PDP1: variants seen among roughly 807,000 people sequenced by gnomAD.
PDP1 encodes the protein pyruvate dehyrogenase phosphatase catalytic subunit 1.
PDP1 carries 14 observed loss-of-function variants against 37.1 expected under a neutral mutation model. That is an observed-to-expected ratio of 0.38 (90% CI 0.25 to 0.59). PDP1 has a LOEUF of 0.59. PDP1 is among the 20% of genes least tolerant of loss of function. The probability of loss-of-function intolerance (pLI) is 0.67; values close to 1 mark genes in which losing one functional copy is unlikely to be tolerated. For synonymous variants in PDP1, 251 were observed against 243.3 expected, an observed-to-expected ratio of 1.03 and a Z score of -0.29; for missense variants, 544 against 655.3, an observed-to-expected ratio of 0.83 and a Z score of 1.85.
chr8:93,920,201 T>C (rs966603923), intron 1 of PDP1, among the ~76,000 whole-genome samples: 2 of 152,216 alleles, frequency 1.3e-5, no homozygotes, highest in African/African-American at 2.4e-5. Context: ...GCAGTGCTTA[T>C]TACAGAAACA....
intron 1 of PDP1, among the ~76,000 whole-genome samples, chr8:93,920,159 C>A (rs1339838529): frequency 1.3e-5 from 2 of 152,208 alleles, no homozygotes; most frequent in African/African-American, 2.4e-5. Context: ...CTTTCTACTA[C>A]TTGCAGAAGA....
intron 1 of PDP1, chr8:93,921,031 A>T: frequency 3.0e-6 from 3 of 984,096 alleles, no homozygotes; most frequent in Non-Finnish European, 3.6e-6. Context: ...GAAACCATTT[A>T]TGTTACTAAC....
rs1176613427 is a variant in PDP1 at position 93,922,069 on chromosome 8, C to T, written c.10C>T (p.Pro4Ser). 2 of 1,610,586 alleles carry T rather than the reference C, an allele frequency of 1.2e-6. No individual in the cohort carries two copies. Among genetic ancestry groups the T allele is most frequent in the Non-Finnish European group, 1.7e-6 (2 of 1,177,374 alleles). The change falls in exon 2 of 2, where the codon CCA becomes TCA. Residue 4 changes from proline (P) to serine (S), a missense_variant. Coordinates refer to ENST00000297598, the MANE Select transcript of PDP1 (RefSeq NM_018444.4). This position sits in a 1 kb window ranked among gnomAD's most constrained non-coding sequence, Gnocchi z 4.0. The stretch of plus-strand genomic sequence containing the variant: ...ACTGTTCTCTGATGCCATGCCAGCA[C>T]CAACTCAACTGTTTTTTCCTCTCAT... Reference protein sequence around the residue: MPAPTQLFFPLIRN... With the variant: MPASTQLFFPLIRN...
At chr8:93,919,411 G>C (rs1810188868) in intron 1 of PDP1, among the ~76,000 whole-genome samples, 1 of 152,116 alleles carries the variant, frequency 6.6e-6, no homozygotes, top group South Asian at 2.1e-4. Flanking sequence ...GAACCAGGGA[G>C]GCGGAGGTTG....
rs1357016456 is a variant in PDP1, at chr8:93,924,989, G to GT, written c.*1319dup. On this transcript the variant is annotated 3_prime_UTR_variant, in exon 2 of 2. Transcript: ENST00000297598. ...GCATCAAGTGGCATTTTGTTCCTGT[G>GT]TTTAATAGTGATCTGTATACAGCTG... 2 of 167,050 alleles carry GT rather than the reference G, an allele frequency of 1.2e-5. No homozygotes were observed. Among genetic ancestry groups the GT allele is most frequent in the African/African-American group, 4.8e-5 (2 of 41,554 alleles). 10.3% of individuals were successfully genotyped at this position (167,050 alleles called of 1,614,324 possible). A position where few individuals can be genotyped will look rare whatever the true frequency, so the allele number is the denominator to read the frequency against.
intron 1 of PDP1, chr8:93,920,058 C>T (rs1810220627): frequency 3.3e-5 from 5 of 152,116 alleles, no homozygotes. Flanking sequence ...TTCTTATTTC[C>T]AAAATTTTAG....
rs1810335411 is a variant in PDP1 at position 93,923,115 on chromosome 8, A to G, written c.1056A>G (p.Ala352=). 6 of 1,614,102 alleles carry G rather than the reference A, an allele frequency of 3.7e-6. No homozygotes were observed. The highest frequency in any genetic ancestry group is 5.1e-6 in the Non-Finnish European group (6 of 1,180,044). Residue 352 remains alanine (A), a synonymous_variant, in exon 2 of 2, where the codon GCA becomes GCG. Coordinates refer to ENST00000297598, the MANE Select transcript of PDP1 (RefSeq NM_018444.4). This position sits in a 1 kb window ranked among gnomAD's most constrained non-coding sequence, Gnocchi z 4.3. ...TTGGCTTGCTGATGCCATTTAGGGC[A>G]TTTGGAGATGTAAAGTTCAAATGGA... ...RLLGLLMPFR[A]FGDVKFKWSI...
intron 1 of PDP1, among the ~76,000 whole-genome samples, chr8:93,918,207 C>A (rs1224105223): frequency 6.6e-6 from 1 of 152,146 alleles, no homozygotes; most frequent in African/African-American, 2.4e-5. Flanking sequence ...ATAGCAGGAG[C>A]TGTGAAATGG....
At chr8:93,921,253 G>A (rs1810259719) in intron 1 of PDP1, 3 of 979,526 alleles carry the variant, frequency 3.1e-6, no homozygotes, top group East Asian at 1.1e-4. Context: ...TCAAAGATGT[G>A]AGCTGACTTT....
rs186669527 is a variant in PDP1, at chr8:93,925,282, A to G, written c.*1609A>G. 402 of 165,918 alleles carry G rather than the reference A, an allele frequency of 2.4e-3. 3 individuals carry two copies. The highest frequency in any genetic ancestry group is 3.8e-3 in the Non-Finnish European group (261 of 67,956). 10.3% of individuals were successfully genotyped at this position (165,918 alleles called of 1,614,324 possible). A position where few individuals can be genotyped will look rare whatever the true frequency, so the allele number is the denominator to read the frequency against. On this transcript the variant is annotated 3_prime_UTR_variant, in exon 2 of 2. Transcript: ENST00000297598. ...AAGATTGCTGCTCAGAATATCATAT[A>G]ATGTTTATTTTTTGAGGTGTTTTTG...
Position 93,919,074 on chromosome 8 carries a change from A to AT in PDP1, c.-45+2001dup. The AT allele has an allele frequency of 5.0e-6, 4 of 793,412 alleles. No homozygotes were observed. The East Asian group carries it at 3.8e-4, about 75-fold the overall frequency. 49.1% of individuals were successfully genotyped at this position (793,412 alleles called of 1,614,324 possible). ...TAGAGTCAATAAAATTCACTCTCTC[A>AT]TTTTTTGTTTTTAATCTCAAGAATT... On this transcript the variant is annotated intron_variant, in intron 1 of 1. Coordinates refer to ENST00000297598, the MANE Select transcript of PDP1 (RefSeq NM_018444.4).
chr8:93,920,627 G>T (rs530825870), intron 1 of PDP1: 2 of 957,756 alleles, frequency 2.1e-6, no homozygotes, highest in African/African-American at 3.5e-5. Flanking sequence ...TGAGTGATAG[G>T]ATTTTTTTTA....
rs777075890 is a variant in PDP1, at chr8:93,923,268, C to T, written c.1209C>T (p.Tyr403=). ...TCACTGCTGAGCCAGAGGTAACTTACCACCGATTAAGGCCACAGGATAAGT... is the reference window on the plus strand; with the variant it reads ...TCACTGCTGAGCCAGAGGTAACTTATCACCGATTAAGGCCACAGGATAAGT... The part of the protein sequence containing the change: ...PYLTAEPEVT[Y]HRLRPQDKFL... The change falls in exon 2 of 2, where the codon TAC becomes TAT. Residue 403 remains tyrosine (Y), a synonymous_variant. Transcript: ENST00000297598. This position sits in a 1 kb window ranked among gnomAD's most constrained non-coding sequence, Gnocchi z 4.3. 11 of 1,614,178 alleles carry T rather than the reference C, an allele frequency of 6.8e-6. 1 individual carries two copies. The South Asian group carries it at 1.2e-4, about 18-fold the overall frequency.
At chr8:93,921,455 A>T (rs1810266593) in intron 1 of PDP1, 1 of 357,736 alleles carries the variant, frequency 2.8e-6, no homozygotes, top group Non-Finnish European at 3.9e-6. Flanking sequence ...GTAGTCATAT[A>T]TGTATATGAT....
chr8:93,917,186 G>T lies in PDP1; in HGVS notation c.-45+107G>T, dbSNP rs536079235. 6.7e-4 allele frequency: 261 copies of T among 391,740 alleles called. No individual in the cohort carries two copies. Among genetic ancestry groups the T allele is most frequent in the African/African-American group, 4.8e-3 (214 of 44,902 alleles). 24.3% of individuals were successfully genotyped at this position (391,740 alleles called of 1,614,324 possible). ...TGCTCGCGGATCGGCGGCCGCGGGC[G>T]TGCGGAGGGCTGGACGAGCCCTGGA... is the stretch of plus-strand genomic sequence containing the variant. On this transcript the variant is annotated intron_variant, in intron 1 of 1. Transcript: ENST00000297598.
chr8:93,920,660 C>A, intron 1 of PDP1: 1 of 937,454 alleles, frequency 1.1e-6, no homozygotes, highest in Non-Finnish European at 1.3e-6. Flanking sequence ...TATTGCTGTA[C>A]CTTTTCAATC....
At chr8:93,921,390 T>C in intron 1 of PDP1, 4 of 937,494 alleles carry the variant, frequency 4.3e-6, no homozygotes, top group Non-Finnish European at 5.1e-6. Flanking sequence ...CTGGAATTTC[T>C]TTTTTTATTT....
chr8:93,917,675 G>A, intron 1 of PDP1: 1 of 844,600 alleles, frequency 1.2e-6, no homozygotes, highest in Non-Finnish European at 1.8e-6. Flanking sequence ...GGGTGGGTTG[G>A]TTTGGTTGGC....
In PDP1 at chr8:93,926,009, T is replaced by A. The variant is rs186410170; in HGVS notation, c.*2336T>A. On this transcript the variant is annotated 3_prime_UTR_variant, in exon 2 of 2. Transcript: ENST00000297598. ...TATGTGTGAAGACATGAAAGTTTAA[T>A]GTACAGAATGGTTGGAGAAATGCCT... 1 of 166,732 alleles carries A rather than the reference T, an allele frequency of 6.0e-6. No homozygotes were observed. The highest frequency in any genetic ancestry group is 6.5e-5 in the Admixed American group (1 of 15,310). 10.3% of individuals were successfully genotyped at this position (166,732 alleles called of 1,614,324 possible).
Sources: gnomAD v4.1 joint callset for allele counts (sites outside exome capture counted in the v4.1 genomes callset) on GRCh38, gnomAD v4.1.1 for gene constraint, Gnocchi (gnomAD v3.1) non-coding constraint, MANE v1.5 for transcripts, NCBI Gene and HGNC (gene_info 2026-07-23, HGNC 2026-07-21) for gene names.